The following GLRB variants were observed in gnomAD, a reference collection of about 807,000 sequenced individuals.
GLRB encodes glycine receptor beta, also known as glycine receptor subunit beta.
In GLRB, 33 loss-of-function variants were observed where a neutral mutation model predicts 54.2. That is an observed-to-expected ratio of 0.61 (90% confidence interval 0.46 to 0.81). The LOEUF is 0.81. GLRB is among the 40% of genes least tolerant of loss of function. The pLI, the probability that GLRB is intolerant of heterozygous loss-of-function variation, is 0.00. For missense variants in GLRB, 572 were observed against 584.6 expected, an observed-to-expected ratio of 0.98 and a Z score of 0.22; for synonymous variants, 209 against 208.2, an observed-to-expected ratio of 1.00 and a Z score of -0.03.
At chr4:157,129,680 G>A (rs1736141617) in intron 4 of GLRB, among the ~76,000 whole-genome samples, 1 of 151,570 alleles carries the variant, frequency 6.6e-6, no homozygotes, top group Non-Finnish European at 1.5e-5. Context: ...TTCCAGTTTT[G>A]GTGATGCTCA....
intron 2 of GLRB, among the ~76,000 whole-genome samples, chr4:157,110,598 G>A (rs1735383296): frequency 6.6e-6 from 1 of 151,882 alleles, no homozygotes; most frequent in African/African-American, 2.4e-5. Flanking sequence ...TAAATTTTCT[G>A]TCAAGTAATT....
At chr4:157,099,312 G>T (rs1184029172) in intron 2 of GLRB, among the ~76,000 whole-genome samples, 1 of 151,796 alleles carries the variant, frequency 6.6e-6, no homozygotes, top group Non-Finnish European at 1.5e-5. Flanking sequence ...TTTCAGTCTG[G>T]GGTCATTATG....
chr4:157,159,278 CAG>C (rs926538934), intron 9 of GLRB, among the ~76,000 whole-genome samples: 2 of 152,150 alleles, frequency 1.3e-5, no homozygotes, highest in African/African-American at 4.8e-5. Context: ...CATCTGCAAA[CAG>C]GGACAACTTG....
At position 157,151,575 on chromosome 4, in the gene GLRB, C is replaced by T. The variant is rs181379964; in HGVS notation, c.905-1143C>T. Among the ~76,000 whole-genome samples the T allele has an allele frequency of 1.9e-3, 292 of 152,088 alleles. 4 individuals carry two copies. Among genetic ancestry groups the T allele is most frequent in the Admixed American group, 0.016 (248 of 15,262 alleles). ...ATCTGCAGAAGTTATATTTGCTTAA[C>T]GTGTTTCCTTCTAATAGAGAGTATC... On this transcript the variant is annotated intron_variant, in intron 8 of 9. Transcript: ENST00000264428.
At chr4:157,124,711 C>T (rs1421425389) in intron 4 of GLRB, among the ~76,000 whole-genome samples, 2 of 151,818 alleles carry the variant, frequency 1.3e-5, no homozygotes, top group South Asian at 2.1e-4. Flanking sequence ...CTTTGAAAAC[C>T]TTTATCTAAA....
intron 2 of GLRB, among the ~76,000 whole-genome samples, chr4:157,119,644 T>A (rs921444744): frequency 4.6e-5 from 7 of 151,746 alleles, no homozygotes; most frequent in Non-Finnish European, 8.8e-5. Context: ...TTTTTAACAA[T>A]ATTTACTAGT....
chr4:157,128,631 A>AGG (rs1195564483), intron 4 of GLRB, among the ~76,000 whole-genome samples: 1 of 151,828 alleles, frequency 6.6e-6, no homozygotes, highest in Non-Finnish European at 1.5e-5. Context: ...AGCACCACCT[A>AGG]GCAGGCTCTC....
At position 157,160,904 on chromosome 4, in the gene GLRB, G is replaced by A. The variant is rs189910047; in HGVS notation, c.1197+7894G>A. On this transcript the variant is annotated intron_variant, in intron 9 of 9. Transcript: ENST00000264428. ...GATATCTTTGTTATCTTTCTGTGTC[G>A]TTGATCTGTCTAATGTTGACAGTGG... is the stretch of plus-strand genomic sequence containing the variant. Among the ~76,000 whole-genome samples the A allele has an allele frequency of 1.8e-3, 274 of 152,160 alleles. 1 individual carries two copies. Among genetic ancestry groups the A allele is most frequent in the African/African-American group, 6.1e-3 (252 of 41,518 alleles).
chr4:157,171,950 C>T lies in GLRB; in HGVS notation c.*1222C>T, dbSNP rs1737937812. 1 of 151,694 alleles carries T rather than the reference C, an allele frequency of 6.6e-6. No individual in the cohort carries two copies. The highest frequency in any genetic ancestry group is 1.5e-5 in the Non-Finnish European group (1 of 67,746). The allele number at this position is 151,694 out of a possible 1,614,324, so 9.4% of individuals were successfully genotyped here. On this transcript the variant is annotated 3_prime_UTR_variant, in exon 10 of 10. Transcript: ENST00000264428. ...ATCCAGTGCACCTTTGTCTTTCTGC[C>T]ATATCTGAAATAAAACTATCAGTAA...
At chr4:157,158,641 T>G (rs763932575) in intron 9 of GLRB, among the ~76,000 whole-genome samples, 8 of 152,196 alleles carry the variant, frequency 5.3e-5, no homozygotes, top group Non-Finnish European at 1.2e-4. Context: ...CAGATGGTTG[T>G]AGATGTGTGG....
chr4:157,116,050 T>C (rs1735597936), intron 2 of GLRB, among the ~76,000 whole-genome samples: 1 of 151,742 alleles, frequency 6.6e-6, no homozygotes, highest in South Asian at 2.1e-4. Flanking sequence ...TGAAGGGTCA[T>C]GTAAAAAAAA....
At chr4:157,114,576 G>A (rs544588977) in intron 2 of GLRB, among the ~76,000 whole-genome samples, 8 of 151,636 alleles carry the variant, frequency 5.3e-5, no homozygotes, top group Admixed American at 1.3e-4. Context: ...ACCTTAAGTC[G>A]TTTTCTGTCA....
intron 2 of GLRB, among the ~76,000 whole-genome samples, chr4:157,101,500 T>G (rs1735023899): frequency 6.6e-6 from 1 of 152,072 alleles, no homozygotes; most frequent in South Asian, 2.1e-4. Flanking sequence ...ATCTCCCCTA[T>G]ATTGCCATTT....
chr4:157,168,415 A>G (rs755887365), intron 9 of GLRB, among the ~76,000 whole-genome samples: 6 of 152,160 alleles, frequency 3.9e-5, no homozygotes, highest in Non-Finnish European at 8.8e-5. Flanking sequence ...TGTCTCATTT[A>G]CTTTCATCAT....
At chr4:157,086,455 T>A (rs1734416365) in intron 2 of GLRB, among the ~76,000 whole-genome samples, 1 of 152,228 alleles carries the variant, frequency 6.6e-6, no homozygotes, top group South Asian at 2.1e-4. Context: ...TTATGTTGAA[T>A]TCTGGTTGCC....
At chr4:157,152,264 A>G (rs1375544225) in intron 8 of GLRB, among the ~76,000 whole-genome samples, 1 of 152,096 alleles carries the variant, frequency 6.6e-6, no homozygotes, top group East Asian at 1.9e-4. Context: ...TTATCAAAAC[A>G]TTGCTTTATA....
At chr4:157,139,018 G>A (rs1736516382) in intron 7 of GLRB, 69 bp downstream of exon 7, 1 of 846,474 alleles carries the variant, frequency 1.2e-6, no homozygotes, top group South Asian at 1.5e-5. Flanking sequence ...ACATAGCCAA[G>A]GGGAGAGTAG....
chr4:157,171,789 G>A lies in GLRB; in HGVS notation c.*1061G>A, dbSNP rs1272356722. 3 of 151,732 alleles carry A rather than the reference G, an allele frequency of 2.0e-5. No homozygotes were observed. The highest frequency in any genetic ancestry group is 4.4e-5 in the Non-Finnish European group (3 of 67,756). 9.4% of individuals were successfully genotyped at this position (151,732 alleles called of 1,614,324 possible). On this transcript the variant is annotated 3_prime_UTR_variant, in exon 10 of 10. Coordinates refer to ENST00000264428, the MANE Select transcript of GLRB (RefSeq NM_000824.5). ...TTAAATAAATAATAGCTTTGTTTGT[G>A]TTAGACTTCACTTCTACTTGTATTT...
intron 2 of GLRB, among the ~76,000 whole-genome samples, chr4:157,089,786 T>C (rs1171753284): frequency 2.0e-5 from 3 of 152,328 alleles, no homozygotes; most frequent in Admixed American, 6.5e-5. Context: ...GATTTCCAAG[T>C]AATTATTTTC....
Sources: gnomAD v4.1 joint callset for allele counts (sites outside exome capture counted in the v4.1 genomes callset) on GRCh38, gnomAD v4.1.1 for gene constraint, MANE v1.5 for transcripts, NCBI Gene and HGNC (gene_info 2026-07-23, HGNC 2026-07-21) for gene names.